The following TRPM4 variants were observed in gnomAD, a reference collection of about 807,000 sequenced individuals.
TRPM4 encodes the protein calcium-activated non-selective cation channel 1.
TRPM4 carries 124 observed loss-of-function variants against 135.6 expected under a neutral mutation model. The observed-to-expected ratio is 0.91, with a 90% CI of 0.79 to 1.06. The LOEUF is 1.06. TRPM4 is among the 50% of genes least tolerant of loss of function. The pLI is 0.00. For missense variants in TRPM4, 1,658 were observed against 1,671.4 expected (o/e 0.99, Z 0.14); for synonymous variants, 745 against 705.6 (o/e 1.06, Z -0.88).
chr19:49,166,810 C>G (rs1401639850), intron 3 of TRPM4, among the ~76,000 whole-genome samples: 1 of 148,160 alleles, frequency 6.7e-6, no homozygotes, highest in Non-Finnish European at 1.5e-5. Flanking sequence ...CCCCTTTTCT[C>G]TGTGTCTCTG....
intron 16 of TRPM4, among the ~76,000 whole-genome samples, chr19:49,194,575 C>CTTCTTTCCTTCCTTCCTTTCCTTTCCTT (rs1968552583): frequency 6.6e-6 from 1 of 150,612 alleles, no homozygotes; most frequent in Non-Finnish European, 1.5e-5. Context: ...TCCTTCCTTC[C>CTTCTTTCCTTCCTTCCTTTCCTTTCCTT]TTCTTTCCTT....
At position 49,200,743 on chromosome 19, in the gene TRPM4, T is replaced by C; in HGVS notation, c.2911T>C (p.Tyr971His). The change falls in exon 19 of 25, where the codon TAC becomes CAC. Residue 971 changes from tyrosine to histidine, a missense_variant. Around this residue, in one of 3 missense-constraint regions of TRPM4, gnomAD observed 1,412 missense variants for 1,408.7 expected, o/e 1.00. Transcript: ENST00000252826. Reference protein sequence around the residue: ...SILRRVFYRPYLQIFGQIPQE... With the variant: ...SILRRVFYRPHLQIFGQIPQE... ...CCTGCGCCGCGTCTTCTACCGTCCC[T>C]ACCTGCAGATCTTCGGGCAGATTCC... 1 of 1,614,132 alleles carries C rather than the reference T, an allele frequency of 6.2e-7. No individual in the cohort carries two copies. Among genetic ancestry groups the C allele is most frequent in the Non-Finnish European group, 8.5e-7 (1 of 1,180,026 alleles).
In TRPM4 at chr19:49,171,622, G is replaced by A. The variant is rs1967459201; in HGVS notation, c.903G>A (p.Val301=). The change falls in exon 8 of 25, where the codon GTG becomes GTA. Residue 301 remains valine, a synonymous_variant. Coordinates refer to ENST00000252826, the MANE Select transcript of TRPM4 (RefSeq NM_017636.4). The surrounding 1 kb of genome is among the most constrained non-coding windows in gnomAD (Gnocchi z 4.7). ...AGGCTCAGCTCCCATGTCTCCTCGTGGCTGGCTCAGGGGGAGCTGCGGACT... is the reference window on the plus strand; with the variant it reads ...AGGCTCAGCTCCCATGTCTCCTCGTAGCTGGCTCAGGGGGAGCTGCGGACT... ...ATQAQLPCLL[V]AGSGGAADCL... is the part of the protein sequence containing the mutation. The A allele has an allele frequency of 6.2e-7, 1 of 1,613,976 alleles. No individual in the cohort carries two copies. Among genetic ancestry groups the A allele is most frequent in the South Asian group, 1.1e-5 (1 of 91,094 alleles).
intron 20 of TRPM4, among the ~76,000 whole-genome samples, chr19:49,203,970 A>G (rs1969051183): frequency 6.6e-6 from 1 of 152,134 alleles, no homozygotes; most frequent in Non-Finnish European, 1.5e-5. Flanking sequence ...TTTACTAAAA[A>G]TACAAAAATT....
At position 49,197,336 on chromosome 19, in the gene TRPM4, CTT is replaced by C. The variant is rs113805476; in HGVS notation, c.2645+464_2645+465del. The stretch of plus-strand genomic sequence containing the variant: ...TCTTTCTTTCTTTCTTTCTTTCTTT[CTT>C]TCTTTCTTTCTTTCTTTCTTTCTTT... On this transcript the variant is annotated intron_variant, in intron 17 of 24. Coordinates refer to ENST00000252826, the MANE Select transcript of TRPM4 (RefSeq NM_017636.4). Among the ~76,000 whole-genome samples, 730 of 120,660 alleles carry C rather than the reference CTT, an allele frequency of 6.1e-3. 6 individuals carry two copies. The highest frequency in any genetic ancestry group is 0.026 in the African/African-American group (621 of 23,530). 79.2% of individuals were successfully genotyped at this position (120,660 alleles called of 152,430 possible). A position where few individuals can be genotyped will look rare whatever the true frequency, so the allele number is the denominator to read the frequency against.
At position 49,190,740 on chromosome 19, in the gene TRPM4, TGGATA is replaced by T. The variant is rs756069559; in HGVS notation, c.2179_2183del (p.Asp727CysfsTer3). On this transcript the variant is annotated frameshift_variant, in exon 16 of 25. Coordinates refer to ENST00000252826, the MANE Select transcript of TRPM4 (RefSeq NM_017636.4). LOFTEE classifies it high-confidence loss of function. Reference sequence around the variant, plus strand: ...ACACGGGAGGAGCTAGAGTTTGACATGGATAGTGTCATTAATGGGGAAGGGCCTGT... The same window carrying T: ...ACACGGGAGGAGCTAGAGTTTGACATGTGTCATTAATGGGGAAGGGCCTGT... 2.5e-6 allele frequency: 4 copies of T among 1,614,036 alleles called. No homozygotes were observed. The highest frequency in any genetic ancestry group is 2.5e-6 in the Non-Finnish European group (3 of 1,179,990).
intron 2 of TRPM4, among the ~76,000 whole-genome samples, chr19:49,164,359 CCTTAG>C (rs1967086381): frequency 1.6e-5 from 1 of 61,640 alleles, no homozygotes; most frequent in Non-Finnish European, 3.0e-5. Flanking sequence ...TCCTTTCTTT[CCTTAG>C]TTTTTTTTTT....
chr19:49,166,083 C>T lies in TRPM4; in HGVS notation c.135C>T (p.Pro45=), dbSNP rs1448432872. The T allele has an allele frequency of 6.2e-6, 10 of 1,602,688 alleles. No individual in the cohort carries two copies. The highest frequency in any genetic ancestry group is 2.2e-5 in the South Asian group (2 of 89,302). ...GTGGGCGCCCCCGGACCGCCCACCC[C>T]GCAGTGGCCATGGAGGATGCCTTCG... ...CQCGRPRTAH[P]AVAMEDAFGA... Residue 45 remains proline (P), a synonymous_variant, in exon 3 of 25, where the codon CCC becomes CCT. Coordinates refer to ENST00000252826, the MANE Select transcript of TRPM4 (RefSeq NM_017636.4).
rs752144312 is a variant in TRPM4, at chr19:49,188,654, T to A, written c.1757T>A (p.Val586Asp). The change falls in exon 13 of 25, where the codon GTT (valine) becomes GAT (aspartate). Residue 586 changes from valine (V) to aspartate (D), a missense_variant. By Grantham distance (152) the Val-to-Asp change is radical. Transcript: ENST00000252826. ...MYFWEMGSNA[V>D]SSALGACLLL... The stretch of plus-strand genomic sequence containing the variant: ...TTGTCTCTCCAGGGTTCCAATGCAG[T>A]TTCCTCAGCTCTTGGGGCCTGTTTG... 1.2e-6 allele frequency: 2 copies of A among 1,614,076 alleles called. No individual in the cohort carries two copies. The highest frequency in any genetic ancestry group is 3.3e-5 in the Admixed American group (2 of 59,996).
At chr19:49,193,119 C>T (rs983215657) in intron 16 of TRPM4, among the ~76,000 whole-genome samples, 19 of 138,888 alleles carry the variant, frequency 1.4e-4, no homozygotes, top group East Asian at 4.2e-4. Flanking sequence ...CTTACTCTGT[C>T]GCCCAGGCTG....
Position 49,211,114 on chromosome 19 carries a change from A to T in TRPM4, c.3534+27A>T. On this transcript the variant is annotated intron_variant, in intron 23 of 24. Coordinates refer to ENST00000252826, the MANE Select transcript of TRPM4 (RefSeq NM_017636.4). This position sits in a 1 kb window ranked among gnomAD's most constrained non-coding sequence, Gnocchi z 4.8. ...TGAGGCCTTGGGGCCTGGCTGGGGGACTGTGGCAGGGGTCCCATCTCCCGC... is the reference window on the plus strand; with the variant it reads ...TGAGGCCTTGGGGCCTGGCTGGGGGTCTGTGGCAGGGGTCCCATCTCCCGC... 1 of 1,612,790 alleles carries T rather than the reference A, an allele frequency of 6.2e-7. No homozygotes were observed.
intron 10 of TRPM4, 77 bp from the exon 11 acceptor site, chr19:49,182,499 TCC>T: frequency 2.7e-6 from 3 of 1,107,002 alleles, no homozygotes; most frequent in Non-Finnish European, 4.0e-6. Context: ...CATCCATCCA[TCC>T]GTCCCTCATA....
At chr19:49,204,985 T>TG (rs1353861019) in intron 20 of TRPM4, among the ~76,000 whole-genome samples, 1 of 132,238 alleles carries the variant, frequency 7.6e-6, no homozygotes, top group Non-Finnish European at 1.5e-5. Flanking sequence ...TTTGGTTGTT[T>TG]TTTTTTTTTT....
In TRPM4 at chr19:49,196,505, G is replaced by T; in HGVS notation, c.2276G>T (p.Cys759Phe). 6.5e-7 allele frequency: 1 copy of T among 1,534,624 alleles called. No individual in the cohort carries two copies. The change falls in exon 17 of 25, where the codon TGC (cysteine) becomes TTC (phenylalanine). Residue 759 changes from cysteine to phenylalanine, a missense_variant. Physicochemically the swap from Cys to Phe is radical, Grantham distance 205. This residue lies in a region of TRPM4 where 1,412 missense variants were observed against 1,408.7 expected (regional missense o/e 1.00). Transcript: ENST00000252826. ...VPRQSGRPGCCGGRCGGRRCL... is the reference protein window; with the variant it reads ...VPRQSGRPGCFGGRCGGRRCL... ...CGCCAGTCGGGCCGTCCGGGTTGCT[G>T]CGGGGGCCGCTGCGGGGGGCGCCGG... is the stretch of plus-strand genomic sequence containing the variant.
At chr19:49,196,233 C>T (rs1395032775) in intron 16 of TRPM4, among the ~76,000 whole-genome samples, 1 of 152,186 alleles carries the variant, frequency 6.6e-6, no homozygotes, top group Non-Finnish European at 1.5e-5. Flanking sequence ...AACTCCTCGG[C>T]TCAAGCGATC....
At chr19:49,161,008 G>C (rs913452262) in intron 2 of TRPM4, among the ~76,000 whole-genome samples, 2 of 152,068 alleles carry the variant, frequency 1.3e-5, no homozygotes, top group Non-Finnish European at 1.5e-5. Flanking sequence ...CTGAGATGGA[G>C]AGCTCAGGAG....
chr19:49,183,564 T>TTTTTG (rs1033410258), intron 12 of TRPM4, among the ~76,000 whole-genome samples: 134 of 150,990 alleles, frequency 8.9e-4, no homozygotes, highest in African/African-American at 1.9e-3. Flanking sequence ...GCCTGGCTAA[T>TTTTTG]TTTTGTTTTG....
At position 49,196,746 on chromosome 19, in the gene TRPM4, C is replaced by G; in HGVS notation, c.2517C>G (p.Ser839Arg). Residue 839 changes from serine (S) to arginine (R), a missense_variant, in exon 17 of 25, where the codon AGC becomes AGG. By Grantham distance (110) the Ser-to-Arg change is moderately radical. Coordinates refer to ENST00000252826, the MANE Select transcript of TRPM4 (RefSeq NM_017636.4). ...LRQGLSGGGG[S>R]LASGGPGPGH... ...AGGGCCTGAGCGGAGGCGGGGGCAGCCTCGCCAGCGGGGGCCCCGGGCCTG... is the reference window on the plus strand; with the variant it reads ...AGGGCCTGAGCGGAGGCGGGGGCAGGCTCGCCAGCGGGGGCCCCGGGCCTG... The G allele has an allele frequency of 6.5e-7, 1 of 1,549,024 alleles. No individual in the cohort carries two copies. The highest frequency in any genetic ancestry group is 8.7e-7 in the Non-Finnish European group (1 of 1,153,764).
intron 19 of TRPM4, among the ~76,000 whole-genome samples, 180 bp downstream of exon 19, chr19:49,200,965 C>T (rs1475605863): frequency 1.3e-5 from 2 of 152,004 alleles, no homozygotes; most frequent in Non-Finnish European, 2.9e-5. Context: ...CTGCCTACCC[C>T]ACCCCCTCTG....
Sources: allele counts gnomAD v4.1 joint callset (sites outside exome capture counted in the v4.1 genomes callset), GRCh38; gene constraint gnomAD v4.1.1; regional missense constraint gnomAD v4.1.1; non-coding constraint Gnocchi (gnomAD v3.1); transcripts MANE v1.5; gene names NCBI Gene and HGNC (gene_info 2026-07-23, HGNC 2026-07-21).